The following PCDHGA10 variants were observed in gnomAD, a reference collection of about 807,000 sequenced individuals.
PCDHGA10 encodes the protein protocadherin gamma-A10.
PCDHGA10 carries 42 observed loss-of-function variants against 59.5 expected under a neutral mutation model. That is an observed-to-expected ratio of 0.71 (90% confidence interval 0.55 to 0.91). The LOEUF (loss-of-function observed/expected upper bound fraction) is 0.91. PCDHGA10 is among the 40% of genes least tolerant of loss of function. PCDHGA10 has a pLI of 0.00. For synonymous variants in PCDHGA10, 511 were observed against 517.2 expected, an observed-to-expected ratio of 0.99 and a Z score of 0.16; for missense variants, 1,111 against 1,198.2, an observed-to-expected ratio of 0.93 and a Z score of 1.07.
At chr5:141,429,814 T>C (rs554065871) in intron 1 of PCDHGA10, among the ~76,000 whole-genome samples, 3 of 152,322 alleles carry the variant, frequency 2.0e-5, no homozygotes, top group African/African-American at 7.2e-5. Flanking sequence ...TAATTACAAT[T>C]AGGTCAGTTA....
At chr5:141,443,447 C>T (rs1267862519) in intron 1 of PCDHGA10, among the ~76,000 whole-genome samples, 1 of 152,184 alleles carries the variant, frequency 6.6e-6, no homozygotes, top group African/African-American at 2.4e-5. Flanking sequence ...GGTTGCGCTC[C>T]TGTACTCCAG....
intron 1 of PCDHGA10, among the ~76,000 whole-genome samples, chr5:141,462,783 T>A (rs1313584666): frequency 6.6e-6 from 1 of 152,236 alleles, no homozygotes; most frequent in Non-Finnish European, 1.5e-5. Flanking sequence ...CATAATTTGT[T>A]GCTTATTTGC....
chr5:141,458,273 G>C, intron 1 of PCDHGA10, among the ~76,000 whole-genome samples: 1 of 152,158 alleles, frequency 6.6e-6, no homozygotes, highest in Non-Finnish European at 1.5e-5. Context: ...AGGAACAACA[G>C]GGTTCCTGGT....
In PCDHGA10 at chr5:141,491,272, A is replaced by G. The variant is rs2099710110; in HGVS notation, c.2437-3535A>G. On this transcript the variant is annotated intron_variant, in intron 1 of 3. Transcript: ENST00000398610. The surrounding 1 kb of genome is among the most constrained non-coding windows in gnomAD (Gnocchi z 6.9). The stretch of plus-strand genomic sequence containing the variant: ...GGACCCTGAGGAAATGCCCAAATCC[A>G]GTGACTTCCTCATACACCCTCCTGA... The G allele has an allele frequency of 1.2e-6, 2 of 1,614,084 alleles. No homozygotes were observed. Among genetic ancestry groups the G allele is most frequent in the Non-Finnish European group, 1.7e-6 (2 of 1,179,928 alleles).
At position 141,485,122 on chromosome 5, in the gene PCDHGA10, G is replaced by C. The variant is rs1000179570; in HGVS notation, c.2437-9685G>C. The stretch of plus-strand genomic sequence containing the variant: ...CAGCTGCTGTGGCTGTTTGGGGCGG[G>C]TCGGCTTCATCCGCGTCTCAGGAGC... On this transcript the variant is annotated intron_variant, in intron 1 of 3. Transcript: ENST00000398610. This position sits in a 1 kb window ranked among gnomAD's most constrained non-coding sequence, Gnocchi z 5.7. The C allele has an allele frequency of 4.3e-6, 6 of 1,387,506 alleles. No individual in the cohort carries two copies. In the African/African-American group the frequency reaches 8.5e-5, roughly 20 times the overall value. The allele number at this position is 1,387,506 out of a possible 1,614,324, so 85.9% of individuals were successfully genotyped here. A position where few individuals can be genotyped will look rare whatever the true frequency, so the allele number is the denominator to read the frequency against.
At chr5:141,475,902 C>T (rs1296545944) in intron 1 of PCDHGA10, 1 of 576,594 alleles carries the variant, frequency 1.7e-6, no homozygotes, top group Non-Finnish European at 3.0e-6. Context: ...GTGCCGCTGT[C>T]GGCCAATGAA....
chr5:141,491,316 T>C lies in PCDHGA10; in HGVS notation c.2437-3491T>C. The C allele has an allele frequency of 3.1e-6, 5 of 1,614,176 alleles. No homozygotes were observed. The highest frequency in any genetic ancestry group is 3.4e-6 in the Non-Finnish European group (4 of 1,180,004). ...CTCCTGAGCGTTCAGACCTTACCCT[T>C]TACCTCATTGTGGCTCTAGCGACCG... is the stretch of plus-strand genomic sequence containing the variant. On this transcript the variant is annotated intron_variant, in intron 1 of 3. Coordinates refer to ENST00000398610, the MANE Select transcript of PCDHGA10 (RefSeq NM_018913.3). The surrounding 1 kb of genome is among the most constrained non-coding windows in gnomAD (Gnocchi z 6.9).
At chr5:141,462,035 C>T (rs35674654) in intron 1 of PCDHGA10, among the ~76,000 whole-genome samples, 14,886 of 152,176 alleles carry the variant, frequency 0.098, 964 homozygotes, top group Non-Finnish European at 0.14. Context: ...GTTGGTCAGG[C>T]GGGTCTTGAA....
Position 141,414,316 on chromosome 5 carries a change from G to T in PCDHGA10, c.1141G>T (p.Glu381Ter), listed in dbSNP as rs2095734692. Reference protein sequence around the residue: ...ALLNVHDLDSEQNGQVTCSIL... With the variant: ...ALLNVHDLDS ...TTTAAATGTGCATGATTTAGACTCT[G>T]AGCAGAATGGACAGGTAACCTGTTC... The change falls in exon 1 of 4, where the codon GAG becomes TAG. Residue 381 changes from glutamate to a stop codon, truncating the protein, a stop_gained. Transcript: ENST00000398610. LOFTEE classifies it high-confidence loss of function. The T allele has an allele frequency of 6.2e-7, 1 of 1,613,682 alleles. No homozygotes were observed. Among genetic ancestry groups the T allele is most frequent in the Admixed American group, 1.7e-5 (1 of 60,010 alleles).
intron 1 of PCDHGA10, among the ~76,000 whole-genome samples, chr5:141,467,772 C>A (rs972304213): frequency 1.3e-5 from 2 of 151,686 alleles, no homozygotes; most frequent in Admixed American, 6.6e-5. Flanking sequence ...AGTGCCCGCA[C>A]CTCAGCCTCT....
At chr5:141,467,393 T>C (rs1409255781) in intron 1 of PCDHGA10, among the ~76,000 whole-genome samples, 3 of 152,124 alleles carry the variant, frequency 2.0e-5, no homozygotes, top group African/African-American at 7.2e-5. Flanking sequence ...TTTTAAGTCA[T>C]AGTTAGAAAG....
At chr5:141,452,380 G>A (rs1003689226) in intron 1 of PCDHGA10, among the ~76,000 whole-genome samples, 2 of 152,192 alleles carry the variant, frequency 1.3e-5, no homozygotes, top group Admixed American at 1.3e-4. Context: ...GTAGGGAATA[G>A]TATTTAGAAA....
At chr5:141,459,303 T>C (rs1419156629) in intron 1 of PCDHGA10, among the ~76,000 whole-genome samples, 1 of 152,242 alleles carries the variant, frequency 6.6e-6, no homozygotes, top group Non-Finnish European at 1.5e-5. Context: ...CTATAACATA[T>C]ACTATTTTGT....
Position 141,476,908 on chromosome 5 carries a change from A to T in PCDHGA10, c.2437-17899A>T. ...ATGCACCCTCCGGCACGCGCGTGGT[A>T]CAAGTCCTTGCAACGGATCTGGATG... is the stretch of plus-strand genomic sequence containing the variant. On this transcript the variant is annotated intron_variant, in intron 1 of 3. Coordinates refer to ENST00000398610, the MANE Select transcript of PCDHGA10 (RefSeq NM_018913.3). This position sits in a 1 kb window ranked among gnomAD's most constrained non-coding sequence, Gnocchi z 7.6. The T allele has an allele frequency of 1.2e-6, 2 of 1,614,050 alleles. No individual in the cohort carries two copies. The highest frequency in any genetic ancestry group is 1.7e-6 in the Non-Finnish European group (2 of 1,180,038).
rs1427052612 is a variant in PCDHGA10 at position 141,493,002 on chromosome 5, A to G, written c.2437-1805A>G. Among the ~76,000 whole-genome samples, 4 of 152,246 alleles carry G rather than the reference A, an allele frequency of 2.6e-5. No individual in the cohort carries two copies. The highest frequency in any genetic ancestry group is 2.1e-4 in the South Asian group (1 of 4,832). On this transcript the variant is annotated intron_variant, in intron 1 of 3. Transcript: ENST00000398610. This position sits in a 1 kb window ranked among gnomAD's most constrained non-coding sequence, Gnocchi z 4.3. ...TCTCCTCTGGCAGATGGAAAGCTAT[A>G]GGCTCTGCCAGATGCCAGGGTGCCC... is the stretch of plus-strand genomic sequence containing the variant.
rs1229317913 is a variant in PCDHGA10 at position 141,489,752 on chromosome 5, C to T, written c.2437-5055C>T. ...GGCACCAATACTGTGAGCTTTTACACTCTAAGCCCCAACAGCCACTTCTCT... is the reference window on the plus strand; with the variant it reads ...GGCACCAATACTGTGAGCTTTTACATTCTAAGCCCCAACAGCCACTTCTCT... On this transcript the variant is annotated intron_variant, in intron 1 of 3. Transcript: ENST00000398610. The surrounding 1 kb of genome is among the most constrained non-coding windows in gnomAD (Gnocchi z 4.5). 1.2e-6 allele frequency: 2 copies of T among 1,614,018 alleles called. No individual in the cohort carries two copies. Among genetic ancestry groups the T allele is most frequent in the Non-Finnish European group, 1.7e-6 (2 of 1,179,980 alleles).
intron 1 of PCDHGA10, chr5:141,416,530 G>C (rs976560428): frequency 6.6e-6 from 1 of 152,160 alleles, no homozygotes; most frequent in Non-Finnish European, 1.5e-5. Context: ...GCTCTTTAAT[G>C]TATAAGGAGG....
Position 141,477,609 on chromosome 5 carries a change from A to T in PCDHGA10, c.2437-17198A>T, listed in dbSNP as rs775454070. The T allele has an allele frequency of 6.2e-7, 1 of 1,614,192 alleles. No homozygotes were observed. The highest frequency in any genetic ancestry group is 1.1e-5 in the South Asian group (1 of 91,082). ...GCTCGGCTTTCTTTCTTTCTCTTGG[A>T]GCAAGGAGCTGAAACCGGGCTAGTG... On this transcript the variant is annotated intron_variant, in intron 1 of 3. Transcript: ENST00000398610. The surrounding 1 kb of genome is among the most constrained non-coding windows in gnomAD (Gnocchi z 4.9).
intron 1 of PCDHGA10, chr5:141,419,186 A>G: frequency 1.2e-6 from 2 of 1,613,940 alleles, no homozygotes; most frequent in Non-Finnish European, 1.7e-6. Context: ...CCTGCACATT[A>G]CTGACGTCAA....
Sources: allele counts gnomAD v4.1 joint callset (sites outside exome capture counted in the v4.1 genomes callset), GRCh38; gene constraint gnomAD v4.1.1; non-coding constraint Gnocchi (gnomAD v3.1); transcripts MANE v1.5; gene names NCBI Gene and HGNC (gene_info 2026-07-23, HGNC 2026-07-21).